The following CLPB variants were observed in gnomAD, a reference collection of about 807,000 sequenced individuals.
CLPB encodes ClpB family mitochondrial disaggregase, also known as mitochondrial disaggregase.
A neutral mutation model predicts 78.4 loss-of-function variants in CLPB; 40 were observed. The observed-to-expected ratio is 0.51, with a 90% CI of 0.40 to 0.66. CLPB has a LOEUF of 0.66. CLPB is among the 30% of genes least tolerant of loss of function. CLPB has a pLI of 0.00. For synonymous variants in CLPB, 333 were observed against 348.0 expected, an observed-to-expected ratio of 0.96 and a Z score of 0.48; for missense variants, 780 against 886.9, an observed-to-expected ratio of 0.88 and a Z score of 1.53.
chr11:72,307,315 A>G, intron 8 of CLPB, 61 bp from the exon 9 acceptor site: 1 of 1,345,552 alleles, frequency 7.4e-7, no homozygotes, highest in South Asian at 1.2e-5. Context: ...CTGGAATGAA[A>G]GAATACTAGA....
chr11:72,368,705 G>A (rs1224092131), intron 4 of CLPB, among the ~76,000 whole-genome samples: 1 of 152,126 alleles, frequency 6.6e-6, no homozygotes, highest in Non-Finnish European at 1.5e-5. Context: ...TTAGTGAATG[G>A]ATGTTAAGCT....
At chr11:72,428,513 G>A (rs1015827990) in intron 2 of CLPB, among the ~76,000 whole-genome samples, 34 of 152,096 alleles carry the variant, frequency 2.2e-4, no homozygotes, top group African/African-American at 8.0e-4. Flanking sequence ...AACATATTCC[G>A]CAGGCCCAGC....
chr11:72,421,112 C>T (rs1457639826), intron 2 of CLPB, among the ~76,000 whole-genome samples: 1 of 152,190 alleles, frequency 6.6e-6, no homozygotes, highest in Non-Finnish European at 1.5e-5. Flanking sequence ...AGCTTTTTTG[C>T]AGGGTACATG....
chr11:72,376,514 G>T (rs1164933096), intron 4 of CLPB, among the ~76,000 whole-genome samples: 1 of 147,032 alleles, frequency 6.8e-6, no homozygotes, highest in East Asian at 2.0e-4. Flanking sequence ...GGAAAATAAA[G>T]CCAGCTGCCA....
Position 72,294,646 on chromosome 11 carries a change from C to T in CLPB, c.1534G>A (p.Glu512Lys), listed in dbSNP as rs1232233434. Residue 512 changes from glutamate (E) to lysine (K), a missense_variant, in exon 13 of 16, where the codon GAG becomes AAG. Glu to Lys is a moderately conservative substitution (Grantham distance 56). Coordinates refer to ENST00000538039, the MANE Select transcript of CLPB (RefSeq NM_001258392.3). ...TTCAGGATAGGGCGAATCACATTCT[C>T]CTTGAAGTTCTTTGAGATGGTGATC... is the stretch of plus-strand genomic sequence containing the variant. The part of the protein sequence containing the change: ...DKITISKNFK[E>K]NVIRPILKAH... The T allele has an allele frequency of 1.2e-6, 2 of 1,614,074 alleles. No individual in the cohort carries two copies. Among genetic ancestry groups the T allele is most frequent in the African/African-American group, 1.3e-5 (1 of 74,952 alleles).
intron 5 of CLPB, among the ~76,000 whole-genome samples, chr11:72,338,861 C>T (rs1255975415): frequency 1.3e-5 from 2 of 152,210 alleles, no homozygotes; most frequent in African/African-American, 4.8e-5. Context: ...CCTATTTGCT[C>T]AATCAGGTAC....
chr11:72,377,365 C>T (rs1374793244), intron 4 of CLPB, among the ~76,000 whole-genome samples: 3 of 152,092 alleles, frequency 2.0e-5, no homozygotes, highest in Admixed American at 1.3e-4. Context: ...TAAAACACTG[C>T]CTGGTATACA....
chr11:72,332,634 C>T (rs1438361452), intron 5 of CLPB: 1 of 152,248 alleles, frequency 6.6e-6, no homozygotes, highest in African/African-American at 2.4e-5. Flanking sequence ...TTATCAGACA[C>T]TCCCCCTACC....
At position 72,405,937 on chromosome 11, in the gene CLPB, A is replaced by T. The variant is rs1025186130; in HGVS notation, c.456-2885T>A. Among the ~76,000 whole-genome samples the T allele has an allele frequency of 2.6e-4, 40 of 152,060 alleles. 1 individual carries two copies. The highest frequency in any genetic ancestry group is 1.5e-5 in the Non-Finnish European group (1 of 68,004). On this transcript the variant is annotated intron_variant, in intron 2 of 15. Transcript: ENST00000538039. ...AGTGAGACTCTGTCTCAAAAAAAAA[A>T]AAAGAATCCTCTTCAAAATAGGTTC...
At chr11:72,393,328 T>TG (rs1855309297) in intron 3 of CLPB, among the ~76,000 whole-genome samples, 1 of 152,176 alleles carries the variant, frequency 6.6e-6, no homozygotes, top group Non-Finnish European at 1.5e-5. Flanking sequence ...ATGATGGGGC[T>TG]GGCATATCTC....
Position 72,287,925 on chromosome 11 carries a change from T to C in CLPB, c.*5442A>G, listed in dbSNP as rs1409922247. On this transcript the variant is annotated 3_prime_UTR_variant, in exon 16 of 16. Transcript: ENST00000538039. Reference sequence around the variant, plus strand: ...GGCTCAGGAGGTTTTATCTATTTTATTGGTGCTTTCAAAGAATTTTTTAAT... The same window carrying C: ...GGCTCAGGAGGTTTTATCTATTTTACTGGTGCTTTCAAAGAATTTTTTAAT... The C allele has an allele frequency of 6.6e-6, 1 of 152,234 alleles. No individual in the cohort carries two copies. The highest frequency in any genetic ancestry group is 2.4e-5 in the African/African-American group (1 of 41,472). The allele number at this position is 152,234 out of a possible 1,614,324, so 9.4% of individuals were successfully genotyped here.
chr11:72,308,071 T>C (rs966719739), intron 8 of CLPB, among the ~76,000 whole-genome samples: 1 of 152,068 alleles, frequency 6.6e-6, no homozygotes, highest in Non-Finnish European at 1.5e-5. Context: ...GCTAGAAAAA[T>C]ACTCAACCCA....
rs1333226601 is a variant in CLPB, at chr11:72,312,554, C to T, written c.989-3950G>A. 6.6e-6 allele frequency among the ~76,000 whole-genome samples: 1 copy of T among 152,120 alleles called. No individual in the cohort carries two copies. The highest frequency in any genetic ancestry group is 1.5e-5 in the Non-Finnish European group (1 of 68,030). On this transcript the variant is annotated intron_variant, in intron 7 of 15. Coordinates refer to ENST00000538039, the MANE Select transcript of CLPB (RefSeq NM_001258392.3). This position sits in a 1 kb window ranked among gnomAD's most constrained non-coding sequence, Gnocchi z 4.2. ...TAGCCCAACACTGGTTTAATACTTGCTGACTAAATGAATTATTGGTCTTTC... is the reference window on the plus strand; with the variant it reads ...TAGCCCAACACTGGTTTAATACTTGTTGACTAAATGAATTATTGGTCTTTC...
At chr11:72,350,888 AGAG>A (rs1439050085) in intron 5 of CLPB, among the ~76,000 whole-genome samples, 6 of 152,228 alleles carry the variant, frequency 3.9e-5, no homozygotes, top group African/African-American at 1.4e-4. Context: ...TACACAATTT[AGAG>A]GAGGTTTCTC....
At chr11:72,416,462 G>A (rs56057597) in intron 2 of CLPB, among the ~76,000 whole-genome samples, 5,604 of 152,158 alleles carry the variant, frequency 0.037, 316 homozygotes, top group African/African-American at 0.12. Flanking sequence ...ATGGCTGGGT[G>A]CGGTGGCTCA....
At chr11:72,420,633 C>T (rs1856166988) in intron 2 of CLPB, among the ~76,000 whole-genome samples, 1 of 152,182 alleles carries the variant, frequency 6.6e-6, no homozygotes, top group African/African-American at 2.4e-5. Flanking sequence ...AAACAGATAA[C>T]CCATCCCAAC....
At chr11:72,372,793 G>T in intron 4 of CLPB, 1 of 770,590 alleles carries the variant, frequency 1.3e-6, no homozygotes. Flanking sequence ...TCTCTGCTAT[G>T]CTTGGGTTAG....
intron 4 of CLPB, among the ~76,000 whole-genome samples, chr11:72,360,827 T>G (rs945302676): frequency 4.6e-5 from 7 of 152,190 alleles, no homozygotes; most frequent in African/African-American, 1.4e-4. Context: ...TTACCTTACA[T>G]AGTAGGTAAT....
chr11:72,427,551 A>T (rs1217210443), intron 2 of CLPB, among the ~76,000 whole-genome samples: 1 of 152,204 alleles, frequency 6.6e-6, no homozygotes. Context: ...CTGTCTCAAC[A>T]TCATAGTGCA....
Sources: allele counts gnomAD v4.1 joint callset (sites outside exome capture counted in the v4.1 genomes callset), GRCh38; gene constraint gnomAD v4.1.1; non-coding constraint Gnocchi (gnomAD v3.1); transcripts MANE v1.5; gene names NCBI Gene and HGNC (gene_info 2026-07-23, HGNC 2026-07-21).